The following PTCHD1 variants were observed in gnomAD, a reference collection of about 807,000 sequenced individuals.
The protein encoded by PTCHD1 is patched domain containing 1, also known as patched domain-containing protein 1.
In PTCHD1, 3 loss-of-function variants were observed where a neutral mutation model predicts 34.6. The observed-to-expected ratio is 0.09, with a 90% CI of 0.04 to 0.22. The LOEUF (loss-of-function observed/expected upper bound fraction) is 0.22. Among genes scored for constraint, PTCHD1 ranks in the 10% least tolerant of loss-of-function variants. PTCHD1 has a pLI of 1.00. For missense variants in PTCHD1, 504 were observed against 685.5 expected (o/e 0.74, Z 2.96); for synonymous variants, 305 against 283.1 (o/e 1.08, Z -0.77).
intron 1 of PTCHD1, among the ~76,000 whole-genome samples, chrX:23,342,296 ATATATATATATATATTTTTT>A (rs1465811127): frequency 5.3e-4 from 7 of 13,151 alleles, no homozygotes; most frequent in African/African-American, 2.6e-3. Flanking sequence ...ATATATATAT[ATATATATATATATATTTTTT>A]TTTTTTTTTT....
In PTCHD1 at chrX:23,361,822, G is replaced by T. The variant is rs184597298; in HGVS notation, c.352-17769G>T. 6.3e-5 allele frequency among the ~76,000 whole-genome samples: 7 copies of T among 111,870 alleles called. No homozygotes were observed. The East Asian group carries it at 1.4e-3, about 22-fold the overall frequency. ...CTTTCCATGTTTAGTGCTTCCTTCAGGAGCTCTTGTAAGGCAGGCCTGGGG... is the reference window on the plus strand; with the variant it reads ...CTTTCCATGTTTAGTGCTTCCTTCATGAGCTCTTGTAAGGCAGGCCTGGGG... On this transcript the variant is annotated intron_variant, in intron 1 of 2. Coordinates refer to ENST00000379361, the MANE Select transcript of PTCHD1 (RefSeq NM_173495.3).
rs1184344043 is a variant in PTCHD1, at chrX:23,394,556, AAAACCCACTGATTG to A, written c.*375_*388del. On this transcript the variant is annotated 3_prime_UTR_variant, in exon 3 of 3. Transcript: ENST00000379361. ...CTGCAGATGTTGCTGGCATTGTGAC[AAAACCCACTGATTG>A]AAAGGTCAACTGCCAAGGCAGAAAC... 6.4e-6 allele frequency: 1 copy of A among 155,979 alleles called. No individual in the cohort carries two copies. Among genetic ancestry groups the A allele is most frequent in the African/African-American group, 3.1e-5 (1 of 32,051 alleles). The allele number at this position is 155,979 out of a possible 1,213,427, so 12.9% of individuals were successfully genotyped here.
chrX:23,390,010 C>G (rs1249258796), intron 2 of PTCHD1, among the ~76,000 whole-genome samples: 1 of 111,797 alleles, frequency 8.9e-6, no homozygotes, highest in Non-Finnish European at 1.9e-5. Flanking sequence ...TCTCAATTAG[C>G]TTCTAAGATT....
Position 23,402,215 on chromosome X carries a change from G to A in PTCHD1, c.*8030G>A, listed in dbSNP as rs944568476. On this transcript the variant is annotated 3_prime_UTR_variant, in exon 3 of 3. Coordinates refer to ENST00000379361, the MANE Select transcript of PTCHD1 (RefSeq NM_173495.3). ...GAAGTGCCATGCATGGAGGCCTGGT[G>A]ATAGGCAACATCCATTTAGAAGAAC... 2 of 111,470 alleles carry A rather than the reference G, an allele frequency of 1.8e-5. No individual in the cohort carries two copies. Among genetic ancestry groups the A allele is most frequent in the African/African-American group, 3.3e-5 (1 of 30,681 alleles). 9.2% of individuals were successfully genotyped at this position (111,470 alleles called of 1,213,427 possible).
chrX:23,346,277 T>G (rs1921475501), intron 1 of PTCHD1, among the ~76,000 whole-genome samples: 1 of 111,683 alleles, frequency 9.0e-6, no homozygotes, highest in Non-Finnish European at 1.9e-5. Context: ...AAGGCAGAGT[T>G]TATTCAGCAG....
intron 1 of PTCHD1, among the ~76,000 whole-genome samples, chrX:23,375,564 C>T: frequency 5.1e-5 from 1 of 19,767 alleles, no homozygotes; most frequent in South Asian, 2.0e-3. Context: ...CAGGCGTGAG[C>T]CACCGCGCCG....
intron 1 of PTCHD1, among the ~76,000 whole-genome samples, chrX:23,341,449 C>G (rs899195493): frequency 8.9e-5 from 10 of 112,570 alleles, no homozygotes; most frequent in Admixed American, 1.9e-4. Flanking sequence ...GTGAGCTGAT[C>G]AACTTTGACT....
rs1447207815 is a variant in PTCHD1, at chrX:23,403,108, T to G, written c.*8923T>G. ...AATTGCATATTACATTGTAAAGTTT[T>G]GGGCTAAATCACAATACATTTTTAA... On this transcript the variant is annotated 3_prime_UTR_variant, in exon 3 of 3. Coordinates refer to ENST00000379361, the MANE Select transcript of PTCHD1 (RefSeq NM_173495.3). 8.9e-6 allele frequency: 1 copy of G among 112,624 alleles called. No homozygotes were observed. The highest frequency in any genetic ancestry group is 3.2e-5 in the African/African-American group (1 of 31,051). The allele number at this position is 112,624 out of a possible 1,213,427, so 9.3% of individuals were successfully genotyped here. A position where few individuals can be genotyped will look rare whatever the true frequency, so the allele number is the denominator to read the frequency against.
intron 1 of PTCHD1, among the ~76,000 whole-genome samples, chrX:23,346,755 C>G (rs1428134245): frequency 2.7e-5 from 3 of 111,407 alleles, no homozygotes; most frequent in Non-Finnish European, 5.7e-5. Context: ...CAGGGAGGAC[C>G]CTGGCAACTA....
chrX:23,381,097 A>G (rs1922552941), intron 2 of PTCHD1, among the ~76,000 whole-genome samples: 1 of 108,041 alleles, frequency 9.3e-6, no homozygotes, highest in Admixed American at 1.0e-4. Flanking sequence ...GAACTTTGAA[A>G]GTGACATGTG....
rs982796350 is a variant in PTCHD1, at chrX:23,396,522, C to T, written c.*2337C>T. 2 of 111,955 alleles carry T rather than the reference C, an allele frequency of 1.8e-5. No homozygotes were observed. Among genetic ancestry groups the T allele is most frequent in the African/African-American group, 6.5e-5 (2 of 30,737 alleles). The allele number at this position is 111,955 out of a possible 1,213,427, so 9.2% of individuals were successfully genotyped here. On this transcript the variant is annotated 3_prime_UTR_variant, in exon 3 of 3. Transcript: ENST00000379361. ...GATTTAGTGTCAGCCACGTGGAGCA[C>T]CTCGGCTTAAAGCAGCTCCACAAAA...
At chrX:23,386,332 C>G (rs747065539) in intron 2 of PTCHD1, among the ~76,000 whole-genome samples, 6 of 111,706 alleles carry the variant, frequency 5.4e-5, no homozygotes, top group Middle Eastern at 4.7e-3. Flanking sequence ...ACCCAATGCT[C>G]TGGTTAGAAT....
intron 1 of PTCHD1, among the ~76,000 whole-genome samples, chrX:23,338,478 C>T (rs1330638346): frequency 1.8e-5 from 2 of 111,768 alleles, no homozygotes; most frequent in African/African-American, 6.5e-5. Context: ...TGATTTATTC[C>T]GGAATCATCT....
intron 2 of PTCHD1, among the ~76,000 whole-genome samples, chrX:23,388,649 G>A (rs961124165): frequency 2.7e-5 from 3 of 111,232 alleles, no homozygotes; most frequent in Admixed American, 9.5e-5. Flanking sequence ...TGGCCAATAC[G>A]GTGAAACCCC....
At chrX:23,340,141 G>A (rs1174345547) in intron 1 of PTCHD1, among the ~76,000 whole-genome samples, 1 of 112,047 alleles carries the variant, frequency 8.9e-6, no homozygotes, top group African/African-American at 3.2e-5. Context: ...GAAACTCTCT[G>A]CTTTGCATGT....
At chrX:23,381,811 C>T (rs1321676396) in intron 2 of PTCHD1, among the ~76,000 whole-genome samples, 2 of 111,932 alleles carry the variant, frequency 1.8e-5, no homozygotes, top group African/African-American at 3.3e-5. Context: ...AAGAAAGCAG[C>T]ATAACCTGCC....
intron 2 of PTCHD1, among the ~76,000 whole-genome samples, chrX:23,385,250 AGG>A (rs1922657945): frequency 8.9e-6 from 1 of 111,805 alleles, no homozygotes; most frequent in Non-Finnish European, 1.9e-5. Flanking sequence ...CAATCATATT[AGG>A]GTGAGAGTAG....
Sources: allele counts gnomAD v4.1 joint callset (sites outside exome capture counted in the v4.1 genomes callset), GRCh38; gene constraint gnomAD v4.1.1; transcripts MANE v1.5; gene names NCBI Gene and HGNC (gene_info 2026-07-23, HGNC 2026-07-21).